The following SLCO2A1 variants were observed in gnomAD, a reference collection of about 807,000 sequenced individuals.
SLCO2A1 encodes the protein matrin F/G 1.
Under a neutral mutation model 71.7 loss-of-function variants are expected in SLCO2A1, and 60 were observed. That is an observed-to-expected ratio of 0.84 (90% CI 0.68 to 1.04). SLCO2A1 has a LOEUF of 1.04. Among genes scored for constraint, SLCO2A1 ranks in the 50% least tolerant of loss-of-function variants. SLCO2A1 has a pLI of 0.00. For synonymous variants in SLCO2A1, 308 were observed against 326.7 expected, an observed-to-expected ratio of 0.94 and a Z score of 0.62; for missense variants, 745 against 813.4, an observed-to-expected ratio of 0.92 and a Z score of 1.02.
At chr3:133,998,111 A>G (rs1196884804) in intron 1 of SLCO2A1, among the ~76,000 whole-genome samples, 2 of 152,108 alleles carry the variant, frequency 1.3e-5, no homozygotes, top group African/African-American at 4.8e-5. Context: ...AGCAGGAGAC[A>G]TGCCATGGGA....
intron 3 of SLCO2A1, among the ~76,000 whole-genome samples, chr3:133,967,983 C>T (rs545786934): frequency 1.1e-5 from 1 of 89,244 alleles, no homozygotes; most frequent in African/African-American, 4.7e-5. Context: ...CACCTCCACA[C>T]CCCCCCAACA....
At chr3:133,990,921 C>T (rs1328514171) in intron 1 of SLCO2A1, among the ~76,000 whole-genome samples, 1 of 152,002 alleles carries the variant, frequency 6.6e-6, no homozygotes, top group African/African-American at 2.4e-5. Flanking sequence ...ACCAGCCTCG[C>T]CAACATGGTA....
At chr3:133,975,944 T>C (rs1934434625) in intron 2 of SLCO2A1, among the ~76,000 whole-genome samples, 2 of 152,372 alleles carry the variant, frequency 1.3e-5, no homozygotes, top group South Asian at 4.1e-4. Flanking sequence ...TACAGTATGT[T>C]TTATTTCCAT....
chr3:134,024,498 C>CA (rs1454656368), intron 1 of SLCO2A1, among the ~76,000 whole-genome samples: 1 of 152,208 alleles, frequency 6.6e-6, no homozygotes, highest in African/African-American at 2.4e-5. Context: ...CCTGAGGCTA[C>CA]ATGACCTGGC....
Position 133,955,153 on chromosome 3 carries a change from A to G in SLCO2A1, c.438T>C (p.His146=). 1.9e-6 allele frequency: 3 copies of G among 1,614,028 alleles called. No homozygotes were observed. Among genetic ancestry groups the G allele is most frequent in the Non-Finnish European group, 2.5e-6 (3 of 1,179,976 alleles). Residue 146 remains histidine (H), a synonymous_variant, in exon 4 of 14, where the codon CAT becomes CAC. Transcript: ENST00000310926. The part of the protein sequence containing the change: ...SRLQAELCQK[H]WQDLPPSKCH... ...ACTTACTGGGAGGCAGGTCCTGCCAATGCTTCTGGCAGAGCTCGGCCTGCA... is the reference window on the plus strand; with the variant it reads ...ACTTACTGGGAGGCAGGTCCTGCCAGTGCTTCTGGCAGAGCTCGGCCTGCA...
chr3:133,947,198 G>A, intron 9 of SLCO2A1, 58 bp downstream of exon 9: 2 of 1,431,340 alleles, frequency 1.4e-6, no homozygotes, highest in Non-Finnish European at 1.9e-6. Flanking sequence ...ATGTATAACA[G>A]CCAGATCTAA....
intron 3 of SLCO2A1, among the ~76,000 whole-genome samples, chr3:133,963,655 G>A (rs1395516209): frequency 6.6e-6 from 1 of 152,226 alleles, no homozygotes; most frequent in African/African-American, 2.4e-5. Context: ...GTCAAATGGG[G>A]AAGAGGTTAG....
intron 1 of SLCO2A1, among the ~76,000 whole-genome samples, chr3:134,018,161 AGCAGGCCTCTCAGGAG>A (rs146715942): frequency 0.024 from 3,627 of 152,216 alleles, 122 homozygotes; most frequent in East Asian, 0.15. Context: ...AAGCAGGGGA[AGCAGGCCTCTCAGGAG>A]GCAGATGCTT....
At chr3:133,992,088 C>T (rs766096315) in intron 1 of SLCO2A1, among the ~76,000 whole-genome samples, 4 of 152,218 alleles carry the variant, frequency 2.6e-5, no homozygotes, top group Non-Finnish European at 2.9e-5. Flanking sequence ...TGCCCAGGAT[C>T]TCTTGACCAC....
chr3:133,997,043 C>T (rs942078550), intron 1 of SLCO2A1, among the ~76,000 whole-genome samples: 3 of 152,214 alleles, frequency 2.0e-5, no homozygotes, highest in East Asian at 1.9e-4. Flanking sequence ...GTCACATAAC[C>T]GACTGTCTTG....
intron 1 of SLCO2A1, among the ~76,000 whole-genome samples, chr3:134,028,126 T>C (rs563460462): frequency 1.3e-5 from 2 of 152,226 alleles, no homozygotes; most frequent in South Asian, 4.2e-4. Flanking sequence ...GGAACCAGGG[T>C]GGGTCTAAAC....
chr3:133,958,872 T>C (rs1274191052), intron 3 of SLCO2A1, among the ~76,000 whole-genome samples: 1 of 152,192 alleles, frequency 6.6e-6, no homozygotes, highest in Non-Finnish European at 1.5e-5. Flanking sequence ...GTTGTTGTCA[T>C]TCACAAGTGT....
At chr3:133,944,995 C>T (rs868333551) in intron 10 of SLCO2A1, 100 bp downstream of exon 10, 2 of 1,317,276 alleles carry the variant, frequency 1.5e-6, no homozygotes, top group Non-Finnish European at 2.1e-6. Context: ...GTGTGTGGAG[C>T]CCTGCCTATC....
intron 11 of SLCO2A1, chr3:133,942,292 C>G (rs1311963716): frequency 9.0e-6 from 2 of 223,432 alleles, no homozygotes; most frequent in Non-Finnish European, 1.7e-5. Context: ...CCGCGCCCAG[C>G]CTAGGCTTGT....
chr3:133,939,962 CTTTTTTTTTTTT>C (rs752743899), intron 11 of SLCO2A1, among the ~76,000 whole-genome samples: 2 of 106,354 alleles, frequency 1.9e-5, no homozygotes, highest in Admixed American at 2.1e-4. Context: ...ACAAAGTCAT[CTTTTTTTTTTTT>C]TTTTTTTTTC....
intron 1 of SLCO2A1, among the ~76,000 whole-genome samples, chr3:134,023,483 C>A (rs1428607533): frequency 1.3e-5 from 2 of 152,132 alleles, no homozygotes; most frequent in Admixed American, 6.5e-5. Context: ...AAAGTAGGAC[C>A]ATTTAATCTG....
At chr3:134,028,205 T>C (rs1472494112) in intron 1 of SLCO2A1, among the ~76,000 whole-genome samples, 1 of 152,168 alleles carries the variant, frequency 6.6e-6, no homozygotes, top group Non-Finnish European at 1.5e-5. Flanking sequence ...CTCCTGCCCT[T>C]CTTGGTGAAA....
At position 133,961,248 on chromosome 3, in the gene SLCO2A1, G is replaced by A. The variant is rs550581885; in HGVS notation, c.398-6055C>T. On this transcript the variant is annotated intron_variant, in intron 3 of 13. Transcript: ENST00000310926. The stretch of plus-strand genomic sequence containing the variant: ...ATGAGGGGCAGGGCTTAGTGGCTGC[G>A]AGGATGGTGAATGCATAGCCCAGAG... Among the ~76,000 whole-genome samples the A allele has an allele frequency of 3.3e-5, 5 of 152,182 alleles. No individual in the cohort carries two copies. The South Asian group carries it at 6.2e-4, about 19-fold the overall frequency.
chr3:133,947,331 A>T lies in SLCO2A1; in HGVS notation c.1220T>A (p.Ile407Asn). 6.2e-7 allele frequency: 1 copy of T among 1,614,150 alleles called. No individual in the cohort carries two copies. Among genetic ancestry groups the T allele is most frequent in the Non-Finnish European group, 8.5e-7 (1 of 1,180,022 alleles). Residue 407 changes from isoleucine (I) to asparagine (N), a missense_variant, in exon 9 of 14, where the codon ATC becomes AAC. Coordinates refer to ENST00000310926, the MANE Select transcript of SLCO2A1 (RefSeq NM_005630.3). ...CAAAGGAACACAAAGGATCATGGAG[A>T]TGGTGATGATGGTGGTAGCTATGCG... The part of the protein sequence containing the change: ...IPRIATTIIT[I>N]SMILCVPLFF...
Sources: allele counts gnomAD v4.1 joint callset (sites outside exome capture counted in the v4.1 genomes callset), GRCh38; gene constraint gnomAD v4.1.1; transcripts MANE v1.5; gene names NCBI Gene and HGNC (gene_info 2026-07-23, HGNC 2026-07-21).